CADM1: variants seen among roughly 807,000 people sequenced by gnomAD.
CADM1 encodes the protein cell adhesion molecule 1.
CADM1 carries 15 observed loss-of-function variants against 53.1 expected under a neutral mutation model. The observed-to-expected ratio is 0.28, with a 90% CI of 0.19 to 0.44. The LOEUF (loss-of-function observed/expected upper bound fraction) is 0.44, where lower values mean the gene tolerates loss of function less well. Among genes scored for constraint, CADM1 ranks in the 20% least tolerant of loss-of-function variants. CADM1 has a pLI of 1.00. For missense variants in CADM1, 434 were observed against 611.3 expected (o/e 0.71, Z 3.06); for synonymous variants, 281 against 243.0 (o/e 1.16, Z -1.45).
intron 1 of CADM1, among the ~76,000 whole-genome samples, chr11:115,367,779 C>T (rs1946203341): frequency 6.6e-6 from 1 of 151,476 alleles, no homozygotes; most frequent in South Asian, 2.1e-4. Context: ...GAAAAAAAAA[C>T]AGTAAGGTTA....
intron 1 of CADM1, among the ~76,000 whole-genome samples, chr11:115,333,270 T>G (rs1433242479): frequency 6.6e-6 from 1 of 152,044 alleles, no homozygotes; most frequent in Admixed American, 6.6e-5. Flanking sequence ...CTTCCTCACT[T>G]AAAACCCTCA....
chr11:115,209,868 C>T (rs1052147070), intron 7 of CADM1, among the ~76,000 whole-genome samples: 4 of 152,116 alleles, frequency 2.6e-5, no homozygotes, highest in Non-Finnish European at 5.9e-5. Context: ...AGAGAATTTT[C>T]ATTAATGAAG....
intron 6 of CADM1, among the ~76,000 whole-genome samples, chr11:115,216,829 T>C (rs763043468): frequency 6.6e-6 from 1 of 152,198 alleles, no homozygotes; most frequent in African/African-American, 2.4e-5. Flanking sequence ...TCTCTTGTCA[T>C]AGATCATTCC....
chr11:115,444,354 T>G (rs557174777), intron 1 of CADM1, among the ~76,000 whole-genome samples: 1 of 152,324 alleles, frequency 6.6e-6, no homozygotes, highest in East Asian at 1.9e-4. Context: ...TTATTTCTTT[T>G]TAATGGCTCC....
intron 1 of CADM1, among the ~76,000 whole-genome samples, chr11:115,363,938 C>T (rs1946092374): frequency 6.6e-6 from 1 of 152,022 alleles, no homozygotes; most frequent in Admixed American, 6.6e-5. Context: ...ATATTCATTA[C>T]AGTAACATGC....
At chr11:115,300,862 T>C (rs1370976796) in intron 1 of CADM1, among the ~76,000 whole-genome samples, 1 of 152,108 alleles carries the variant, frequency 6.6e-6, no homozygotes, top group Non-Finnish European at 1.5e-5. Context: ...ACTACATTTG[T>C]CCTAGTAAAG....
At chr11:115,232,195 C>T (rs1941844348) in intron 3 of CADM1, among the ~76,000 whole-genome samples, 1 of 152,132 alleles carries the variant, frequency 6.6e-6, no homozygotes, top group South Asian at 2.1e-4. Flanking sequence ...TCCTTGAACT[C>T]AACTCTTGAA....
At chr11:115,477,353 T>G (rs2135403037) in intron 1 of CADM1, among the ~76,000 whole-genome samples, 1 of 152,362 alleles carries the variant, frequency 6.6e-6, no homozygotes, top group Admixed American at 6.5e-5. Flanking sequence ...AAAGGCTATT[T>G]CCATTCTCTT....
intron 1 of CADM1, among the ~76,000 whole-genome samples, chr11:115,413,758 C>T (rs186931801): frequency 1.3e-5 from 2 of 151,326 alleles, no homozygotes; most frequent in East Asian, 3.9e-4. Flanking sequence ...GATTCTCCTG[C>T]CTCAGCCTGT....
At chr11:115,323,193 T>C (rs961776259) in intron 1 of CADM1, among the ~76,000 whole-genome samples, 1 of 152,322 alleles carries the variant, frequency 6.6e-6, no homozygotes, top group East Asian at 1.9e-4. Context: ...CTAATGGCAT[T>C]GAACATCTTT....
chr11:115,255,070 C>T (rs1302044401), intron 1 of CADM1, among the ~76,000 whole-genome samples: 3 of 152,072 alleles, frequency 2.0e-5, no homozygotes, highest in Admixed American at 2.0e-4. Flanking sequence ...GGAAGCAGAA[C>T]TCAGGAGAAG....
Position 115,172,797 on chromosome 11 carries a change from G to T in CADM1, c.*3677C>A, listed in dbSNP as rs577044184. Reference sequence around the variant, plus strand: ...AAGAGACCAGGCCAGGATGGAAGTGGCTCAAGGGGAGATGCACAGCCTTCA... The same window carrying T: ...AAGAGACCAGGCCAGGATGGAAGTGTCTCAAGGGGAGATGCACAGCCTTCA... On this transcript the variant is annotated 3_prime_UTR_variant, in exon 12 of 12. Transcript: ENST00000331581. 3 of 147,420 alleles carry T rather than the reference G, an allele frequency of 2.0e-5. No individual in the cohort carries two copies. In the South Asian group the frequency reaches 6.5e-4, roughly 32 times the overall value. The allele number at this position is 147,420 out of a possible 1,614,324, so 9.1% of individuals were successfully genotyped here.
At chr11:115,342,693 T>C (rs556118851) in intron 1 of CADM1, among the ~76,000 whole-genome samples, 40 of 152,298 alleles carry the variant, frequency 2.6e-4, no homozygotes, top group African/African-American at 8.7e-4. Context: ...CTTCAAATGA[T>C]GTGTTTCCAT....
At chr11:115,386,818 A>G (rs1419293807) in intron 1 of CADM1, among the ~76,000 whole-genome samples, 1 of 152,248 alleles carries the variant, frequency 6.6e-6, no homozygotes, top group African/African-American at 2.4e-5. Context: ...ACATTCAACC[A>G]AAGCAACATG....
At chr11:115,265,153 A>G (rs183217284) in intron 1 of CADM1, among the ~76,000 whole-genome samples, 3 of 152,308 alleles carry the variant, frequency 2.0e-5, no homozygotes, top group African/African-American at 7.2e-5. Context: ...ACACACTTAC[A>G]TCAGGAAAAC....
intron 1 of CADM1, among the ~76,000 whole-genome samples, chr11:115,332,445 A>G (rs917303426): frequency 6.6e-6 from 1 of 152,220 alleles, no homozygotes; most frequent in East Asian, 1.9e-4. Context: ...AGATCTGGGT[A>G]TTAGTAAAGC....
rs1025036868 is a variant in CADM1, at chr11:115,328,731, T to C, written c.125-88311A>G. On this transcript the variant is annotated intron_variant, in intron 1 of 11. Coordinates refer to ENST00000331581, the MANE Select transcript of CADM1 (RefSeq NM_001301043.2). ...ATATATATGTGTATATATATGTATA[T>C]ACATATATATATATATAGAATCCAA... Among the ~76,000 whole-genome samples, 4 of 116,042 alleles carry C rather than the reference T, an allele frequency of 3.4e-5. 1 individual carries two copies. Among genetic ancestry groups the C allele is most frequent in the South Asian group, 2.8e-4 (1 of 3,636 alleles). The allele number at this position is 116,042 out of a possible 152,430, so 76.1% of individuals were successfully genotyped here.
At chr11:115,223,466 G>A (rs1224351237) in intron 5 of CADM1, among the ~76,000 whole-genome samples, 1 of 152,128 alleles carries the variant, frequency 6.6e-6, no homozygotes, top group Non-Finnish European at 1.5e-5. Flanking sequence ...TAGAAGACTG[G>A]TTTCACTATG....
chr11:115,199,900 T>C (rs1458937846), intron 8 of CADM1, among the ~76,000 whole-genome samples: 1 of 152,218 alleles, frequency 6.6e-6, no homozygotes, highest in African/African-American at 2.4e-5. Flanking sequence ...GACTTTCTGA[T>C]TCAACACAGG....
Sources: gnomAD v4.1 joint callset for allele counts (sites outside exome capture counted in the v4.1 genomes callset) on GRCh38, gnomAD v4.1.1 for gene constraint, MANE v1.5 for transcripts, NCBI Gene and HGNC (gene_info 2026-07-23, HGNC 2026-07-21) for gene names.